Variants in SPATA9 observed in about 807,000 individuals in gnomAD.
The protein encoded by SPATA9 is spermatogenesis-associated protein 9.
In SPATA9, 27 loss-of-function variants were observed where a neutral mutation model predicts 25.5. The ratio of observed to expected loss-of-function variants is 1.06; its 90% confidence interval spans 0.78 to 1.46. The LOEUF (loss-of-function observed/expected upper bound fraction) is 1.46, where lower values mean the gene tolerates loss of function less well. Among genes scored for constraint, SPATA9 ranks in the 40% most tolerant of loss-of-function variants. SPATA9 has a pLI of 0.00. For missense variants in SPATA9, 282 were observed against 297.5 expected, an observed-to-expected ratio of 0.95 and a Z score of 0.38; for synonymous variants, 102 against 105.7, an observed-to-expected ratio of 0.97 and a Z score of 0.21.
At chr5:95,690,381 A>G (rs556376056) in intron 1 of SPATA9, among the ~76,000 whole-genome samples, 9 of 152,332 alleles carry the variant, frequency 5.9e-5, no homozygotes, top group African/African-American at 2.2e-4. Context: ...TGTTAGTACA[A>G]TGAACCAGGA....
chr5:95,715,411 T>C, the SPATA9 span, among the ~76,000 whole-genome samples: 1 of 151,784 alleles, frequency 6.6e-6, no homozygotes, highest in African/African-American at 2.4e-5. Flanking sequence ...AGCATAGTAT[T>C]GACAGGATAA....
the SPATA9 span, among the ~76,000 whole-genome samples, chr5:95,713,258 A>G: frequency 2.6e-5 from 4 of 151,530 alleles, no homozygotes; most frequent in African/African-American, 9.7e-5. Context: ...GGATTCACTT[A>G]CTTCCTAGAG....
At chr5:95,666,273 T>C (rs1432813938) in intron 3 of SPATA9, among the ~76,000 whole-genome samples, 1 of 152,162 alleles carries the variant, frequency 6.6e-6, no homozygotes, top group Non-Finnish European at 1.5e-5. Context: ...TACGCTGCCT[T>C]GGGATACACT....
chr5:95,675,688 T>C, intron 2 of SPATA9, 49 bp from the exon 3 acceptor site: 1 of 1,500,700 alleles, frequency 6.7e-7, no homozygotes, highest in Non-Finnish European at 9.2e-7. Flanking sequence ...CTCCAGTGCA[T>C]TATTAAAACT....
At chr5:95,712,074 G>T in the SPATA9 span, among the ~76,000 whole-genome samples, 1 of 152,130 alleles carries the variant, frequency 6.6e-6, no homozygotes, top group Admixed American at 6.5e-5. Context: ...GCAAGGCCGG[G>T]ACTCCATAAA....
At chr5:95,654,488 C>A, downstream of SPATA9, 1 of 707,960 alleles carries the variant, frequency 1.4e-6, no homozygotes, top group East Asian at 2.7e-5. Context: ...TCTGGGAATT[C>A]ATAAGATAAA....
At chr5:95,711,662 T>G in the SPATA9 span, among the ~76,000 whole-genome samples, 2 of 152,098 alleles carry the variant, frequency 1.3e-5, no homozygotes, top group African/African-American at 4.8e-5. Context: ...GCGGTGGGAC[T>G]GGGTGAGGGA....
chr5:95,729,673 C>T, the SPATA9 span, among the ~76,000 whole-genome samples: 9 of 152,122 alleles, frequency 5.9e-5, no homozygotes, highest in Non-Finnish European at 1.2e-4. Context: ...GAACAACGCC[C>T]CCTTTTCCCC....
At chr5:95,728,617 CA>C in the SPATA9 span, among the ~76,000 whole-genome samples, 2 of 152,172 alleles carry the variant, frequency 1.3e-5, no homozygotes, top group Non-Finnish European at 1.5e-5. Flanking sequence ...AGAATGTTTT[CA>C]AAAGGATTGA....
intron 3 of SPATA9, chr5:95,670,299 T>G (rs1338601301): frequency 6.6e-6 from 1 of 152,214 alleles, no homozygotes; most frequent in African/African-American, 2.4e-5. Context: ...TTCTAGTTAT[T>G]GTTTGTGTCC....
At chr5:95,725,495 C>T in the SPATA9 span, among the ~76,000 whole-genome samples, 4 of 152,366 alleles carry the variant, frequency 2.6e-5, no homozygotes, top group South Asian at 6.2e-4. Context: ...CACACACAAG[C>T]GCACGCCTTT....
chr5:95,704,002 G>A, the SPATA9 span, among the ~76,000 whole-genome samples: 2 of 151,906 alleles, frequency 1.3e-5, no homozygotes, highest in African/African-American at 4.8e-5. Flanking sequence ...CACAAACACT[G>A]ACAAACGTGC....
At chr5:95,705,099 T>C in the SPATA9 span, among the ~76,000 whole-genome samples, 37,081 of 151,844 alleles carry the variant, frequency 0.24, 4,767 homozygotes, top group East Asian at 0.5. Flanking sequence ...TGCACACCAC[T>C]GCACCTGGCT....
At chr5:95,683,773 A>G (rs1451850912), upstream of SPATA9, among the ~76,000 whole-genome samples, 1 of 152,022 alleles carries the variant, frequency 6.6e-6, no homozygotes, top group Non-Finnish European at 1.5e-5. Context: ...TCCTGACCTC[A>G]TGATCCGCCT....
chr5:95,731,641 T>C, the SPATA9 span: 1 of 1,612,450 alleles, frequency 6.2e-7, no homozygotes, highest in Non-Finnish European at 8.5e-7. Flanking sequence ...CGTGAGCCGC[T>C]GCTTTTCTCC....
upstream of SPATA9, among the ~76,000 whole-genome samples, chr5:95,699,186 T>C (rs1350171382): frequency 2.6e-5 from 4 of 152,254 alleles, no homozygotes; most frequent in East Asian, 5.8e-4. Context: ...TTCATAATGA[T>C]TGTAACCAGG....
chr5:95,721,318 G>C, the SPATA9 span, among the ~76,000 whole-genome samples: 1 of 152,182 alleles, frequency 6.6e-6, no homozygotes, highest in Non-Finnish European at 1.5e-5. Flanking sequence ...ACTGAGAAAG[G>C]TCTAAGTGTC....
At chr5:95,675,380 A>G (rs879934204) in intron 3 of SPATA9, 32 bp downstream of exon 3, 24 of 1,540,568 alleles carry the variant, frequency 1.6e-5, no homozygotes, top group African/African-American at 5.6e-5. Flanking sequence ...TTCTTAAAAA[A>G]GGGGAATTGT....
upstream of SPATA9, among the ~76,000 whole-genome samples, chr5:95,684,064 G>C (rs1020990224): frequency 6.6e-6 from 1 of 151,998 alleles, no homozygotes; most frequent in Non-Finnish European, 1.5e-5. Context: ...GGTGTTCTTA[G>C]TCCACAATCT....
Sources: gnomAD v4.1 joint callset for allele counts (sites outside exome capture counted in the v4.1 genomes callset) on GRCh38, gnomAD v4.1.1 for gene constraint, MANE v1.5 for transcripts, NCBI Gene and HGNC (gene_info 2026-07-23, HGNC 2026-07-21) for gene names.